Variants in COG5 observed in about 807,000 individuals in gnomAD.
COG5 encodes component of oligomeric golgi complex 5.
A neutral mutation model predicts 110.4 loss-of-function variants in COG5; 86 were observed. The ratio of observed to expected loss-of-function variants is 0.78; its 90% CI spans 0.65 to 0.93. The LOEUF is 0.93. Ranked by LOEUF, COG5 falls within the 40% of genes least tolerant of loss-of-function variation. The probability of loss-of-function intolerance (pLI) is 0.00; values close to 1 mark genes in which losing one functional copy is unlikely to be tolerated. For missense variants in COG5, 1,077 were observed against 987.0 expected, an observed-to-expected ratio of 1.09 and a Z score of -1.22; for synonymous variants, 360 against 334.6, an observed-to-expected ratio of 1.08 and a Z score of -0.83.
At chr7:107,513,433 C>G (rs968828709) in intron 6 of COG5, among the ~76,000 whole-genome samples, 4 of 152,196 alleles carry the variant, frequency 2.6e-5, no homozygotes, top group Admixed American at 2.6e-4. Flanking sequence ...AATAGCAACA[C>G]TTTTACACTG....
At chr7:107,505,423 G>A (rs1206283816) in intron 6 of COG5, among the ~76,000 whole-genome samples, 2 of 152,190 alleles carry the variant, frequency 1.3e-5, no homozygotes, top group Non-Finnish European at 2.9e-5. Context: ...CAAGTGGAGA[G>A]GAATTGTGCC....
chr7:107,416,916 G>A (rs4730241), intron 6 of COG5, among the ~76,000 whole-genome samples: 24,002 of 152,132 alleles, frequency 0.16, 2,280 homozygotes, highest in Non-Finnish European at 0.21. Context: ...GAAGTCAGAG[G>A]AATATTAAAA....
chr7:107,517,162 A>C (rs1199378109), intron 6 of COG5, among the ~76,000 whole-genome samples: 3 of 152,220 alleles, frequency 2.0e-5, no homozygotes, highest in Non-Finnish European at 2.9e-5. Context: ...GGGGAACATT[A>C]ATGACTTGAT....
chr7:107,353,341 C>T (rs574645706), intron 10 of COG5, among the ~76,000 whole-genome samples: 115 of 144,572 alleles, frequency 8.0e-4, no homozygotes, highest in African/African-American at 2.7e-3. Flanking sequence ...AGGAGAATGG[C>T]GTGAACCCGG....
chr7:107,330,226 T>C (rs1810121901), intron 10 of COG5, among the ~76,000 whole-genome samples: 1 of 152,200 alleles, frequency 6.6e-6, no homozygotes, highest in Admixed American at 6.5e-5. Flanking sequence ...TGTTTCTTGG[T>C]TATAAATACA....
At chr7:107,216,000 C>T (rs911111404) in intron 19 of COG5, among the ~76,000 whole-genome samples, 2 of 152,124 alleles carry the variant, frequency 1.3e-5, no homozygotes, top group Admixed American at 1.3e-4. Context: ...TGAGCCACTG[C>T]GCCTGGCCCG....
At chr7:107,211,024 G>C (rs924362884) in intron 20 of COG5, 75 bp downstream of exon 20, 1 of 1,532,130 alleles carries the variant, frequency 6.5e-7, no homozygotes, top group Non-Finnish European at 9.0e-7. Flanking sequence ...GAATCATTCA[G>C]TGAGTAGGGG....
chr7:107,367,308 C>A (rs1388815009), intron 8 of COG5, among the ~76,000 whole-genome samples: 1 of 151,950 alleles, frequency 6.6e-6, no homozygotes, highest in East Asian at 1.9e-4. Flanking sequence ...TGATATCCAG[C>A]CAAGGGAGAG....
At chr7:107,281,533 T>A (rs1018923392) in intron 13 of COG5, 134 bp from the exon 14 acceptor site, 1 of 714,508 alleles carries the variant, frequency 1.4e-6, no homozygotes, top group Non-Finnish European at 2.4e-6. Flanking sequence ...CAAGAACTGG[T>A]TGCATTGTTT....
rs531505405 is a variant in COG5, at chr7:107,394,631, T to C, written c.669+17871A>G. Among the ~76,000 whole-genome samples, 10 of 152,346 alleles carry C rather than the reference T, an allele frequency of 6.6e-5. No homozygotes were observed. In the South Asian group the frequency reaches 1.5e-3, roughly 22 times the overall value. ...AGCAATATTTTAGTTTACAAAGCCA[T>C]AGGCTAATATGAGATAACCTTTGTG... is the stretch of plus-strand genomic sequence containing the variant. On this transcript the variant is annotated intron_variant, in intron 7 of 21. Coordinates refer to ENST00000297135, the MANE Select transcript of COG5 (RefSeq NM_006348.5).
At chr7:107,391,327 C>G (rs905759929) in intron 7 of COG5, among the ~76,000 whole-genome samples, 1 of 152,150 alleles carries the variant, frequency 6.6e-6, no homozygotes, top group Non-Finnish European at 1.5e-5. Flanking sequence ...GGGTCAGGGT[C>G]TGCGGGAGGG....
At chr7:107,563,707 T>C in intron 1 of COG5, 96 bp downstream of exon 1, 1 of 1,470,026 alleles carries the variant, frequency 6.8e-7, no homozygotes, top group South Asian at 1.1e-5. Flanking sequence ...ACTGGAAAAC[T>C]TTCTGCAAAG....
chr7:107,558,239 T>C (rs1803476094), intron 1 of COG5, 124 bp from the exon 2 acceptor site: 1 of 876,146 alleles, frequency 1.1e-6, no homozygotes, highest in Admixed American at 2.1e-5. Flanking sequence ...CACTCCACTA[T>C]ACTGCTTAAT....
chr7:107,414,122 A>T (rs1340514149), intron 6 of COG5, among the ~76,000 whole-genome samples: 2 of 152,194 alleles, frequency 1.3e-5, no homozygotes, highest in African/African-American at 2.4e-5. Flanking sequence ...CTGTTCAAAA[A>T]ATTTGCCCAG....
chr7:107,479,195 A>G (rs1797170733), intron 6 of COG5, among the ~76,000 whole-genome samples: 3 of 152,148 alleles, frequency 2.0e-5, no homozygotes, highest in Admixed American at 1.3e-4. Context: ...CAGTAAAAAG[A>G]AAAACATTGC....
At chr7:107,455,170 G>C (rs1018869) in intron 6 of COG5, among the ~76,000 whole-genome samples, 65,924 of 152,044 alleles carry the variant, frequency 0.43, 14,517 homozygotes, top group Non-Finnish European at 0.47. Context: ...AAAGTGAGAA[G>C]AGAGCATGTT....
chr7:107,361,899 T>C (rs1034632923), intron 10 of COG5, 134 bp downstream of exon 10: 5 of 663,458 alleles, frequency 7.5e-6, no homozygotes, highest in Middle Eastern at 4.1e-4. Flanking sequence ...TTATTATAGT[T>C]GTCAAGAAAT....
intron 11 of COG5, among the ~76,000 whole-genome samples, chr7:107,318,018 T>TTTTC (rs1279503693): frequency 1.5e-4 from 23 of 152,054 alleles, no homozygotes; most frequent in East Asian, 3.9e-4. Context: ...CTAATGGCTT[T>TTTTC]TTTCTTTCTT....
At chr7:107,407,552 AT>A (rs1791943964) in intron 7 of COG5, among the ~76,000 whole-genome samples, 1 of 152,036 alleles carries the variant, frequency 6.6e-6, no homozygotes, top group Admixed American at 6.6e-5. Context: ...CAAAACATAT[AT>A]ATATTATAAC....
Sources: allele counts gnomAD v4.1 joint callset (sites outside exome capture counted in the v4.1 genomes callset), GRCh38; gene constraint gnomAD v4.1.1; transcripts MANE v1.5; gene names NCBI Gene and HGNC (gene_info 2026-07-23, HGNC 2026-07-21).